Variants in LYZL1 observed in about 807,000 individuals in gnomAD.
The protein encoded by LYZL1 is lysozyme-like protein 1.
A neutral mutation model predicts 17.9 loss-of-function variants in LYZL1; 16 were observed. That is an observed-to-expected ratio of 0.90 (90% CI 0.61 to 1.36). LYZL1 has a LOEUF of 1.36. Among genes scored for constraint, LYZL1 ranks in the 40% most tolerant of loss-of-function variants. The pLI, the probability that LYZL1 is intolerant of heterozygous loss-of-function variation, is 0.00. For missense variants in LYZL1, 149 were observed against 188.4 expected (o/e 0.79, Z 1.22); for synonymous variants, 58 against 71.8 (o/e 0.81, Z 0.97).
intron 3 of LYZL1, among the ~76,000 whole-genome samples, chr10:29,297,084 G>GAAA (rs35535332): frequency 4.1e-5 from 5 of 123,082 alleles, no homozygotes; most frequent in South Asian, 5.1e-4. Flanking sequence ...TGCTTTTTTT[G>GAAA]AAAAAAAAAA....
intron 3 of LYZL1, among the ~76,000 whole-genome samples, chr10:29,301,014 G>T (rs1393340337): frequency 6.6e-6 from 1 of 151,956 alleles, no homozygotes; most frequent in Non-Finnish European, 1.5e-5. Flanking sequence ...TTGTAGGGAT[G>T]GGTGATATGG....
At chr10:29,307,572 C>T (rs1329177635) in intron 3 of LYZL1, among the ~76,000 whole-genome samples, 1 of 152,082 alleles carries the variant, frequency 6.6e-6, no homozygotes, top group African/African-American at 2.4e-5. Context: ...TGGCATTAGC[C>T]AATACAGCTC....
rs573894243 is a variant in LYZL1 at position 29,298,730 on chromosome 10, G to A, written c.298+6053G>A. On this transcript the variant is annotated intron_variant, in intron 3 of 4. Transcript: ENST00000649382. ...ATTGTGAAGGATGATCCCAGGATGA[G>A]CTTTTATTATAGATTTCTAGTTACA... Among the ~76,000 whole-genome samples, 3 of 152,274 alleles carry A rather than the reference G, an allele frequency of 2.0e-5. No homozygotes were observed. In the South Asian group the frequency reaches 6.2e-4, roughly 32 times the overall value.
intron 3 of LYZL1, among the ~76,000 whole-genome samples, chr10:29,297,084 GA>G (rs35535332): frequency 0.35 from 42,900 of 122,934 alleles, 7,213 homozygotes; most frequent in East Asian, 0.55. Flanking sequence ...TGCTTTTTTT[GA>G]AAAAAAAAAA....
chr10:29,296,458 A>G (rs1835447598), intron 3 of LYZL1, among the ~76,000 whole-genome samples: 1 of 152,198 alleles, frequency 6.6e-6, no homozygotes, highest in Non-Finnish European at 1.5e-5. Context: ...TCACTTAAGG[A>G]GTAGTTAGAA....
rs1835668000 is a variant in LYZL1 at position 29,311,228 on chromosome 10, C to A, written c.*169C>A. 1 of 1,510,738 alleles carries A rather than the reference C, an allele frequency of 6.6e-7. No individual in the cohort carries two copies. Among genetic ancestry groups the A allele is most frequent in the African/African-American group, 1.4e-5 (1 of 71,084 alleles). 93.6% of individuals were successfully genotyped at this position (1,510,738 alleles called of 1,614,324 possible). A position where few individuals can be genotyped will look rare whatever the true frequency, so the allele number is the denominator to read the frequency against. Reference sequence around the variant, plus strand: ...ATAAATATTTCCATTTAAATGTCTTCACCCCGTCTCAGTTCCAATGATGTC... The same window carrying A: ...ATAAATATTTCCATTTAAATGTCTTAACCCCGTCTCAGTTCCAATGATGTC... On this transcript the variant is annotated 3_prime_UTR_variant, in exon 5 of 5. Coordinates refer to ENST00000649382, the MANE Select transcript of LYZL1 (RefSeq NM_032517.6).
intron 3 of LYZL1, among the ~76,000 whole-genome samples, chr10:29,309,365 A>C (rs1313653673): frequency 6.6e-6 from 1 of 152,092 alleles, no homozygotes; most frequent in Non-Finnish European, 1.5e-5. Context: ...AAAACAAAAC[A>C]AAACCCTGGA....
downstream of LYZL1, among the ~76,000 whole-genome samples, chr10:29,311,954 G>T (rs376567753): frequency 4.0e-5 from 6 of 151,354 alleles, no homozygotes; most frequent in Admixed American, 3.9e-4. Context: ...GCAAGACTCT[G>T]TCAAGAAAGG....
At chr10:29,299,545 T>C (rs1835489627) in intron 3 of LYZL1, among the ~76,000 whole-genome samples, 1 of 152,220 alleles carries the variant, frequency 6.6e-6, no homozygotes, top group Non-Finnish European at 1.5e-5. Context: ...AATTTGCAAC[T>C]ATCATTTTAG....
intron 3 of LYZL1, among the ~76,000 whole-genome samples, chr10:29,316,453 C>T (rs789911): frequency 0.99 from 151,028 of 152,326 alleles, 74,882 homozygotes; most frequent in Middle Eastern, 1. Context: ...TCTTTCTTTA[C>T]ACCAGGCTGC....
At position 29,294,594 on chromosome 10, in the gene LYZL1, G is replaced by A. The variant is rs185450595; in HGVS notation, c.298+1917G>A. ...ATCCTCAATGTCTAGAATGGTGCCT[G>A]GCCATTGCAGGAGCTCAATAAATGT... On this transcript the variant is annotated intron_variant, in intron 3 of 4. Coordinates refer to ENST00000649382, the MANE Select transcript of LYZL1 (RefSeq NM_032517.6). Among the ~76,000 whole-genome samples the A allele has an allele frequency of 1.7e-4, 26 of 152,324 alleles. No individual in the cohort carries two copies. The East Asian group carries it at 4.8e-3, about 28-fold the overall frequency.
rs751555810 is a variant in LYZL1, at chr10:29,292,507, T to TC, written c.140-6dup. On this transcript the variant is annotated splice_polypyrimidine_tract_variant and intron_variant, in intron 2 of 4. Coordinates refer to ENST00000649382, the MANE Select transcript of LYZL1 (RefSeq NM_032517.6). ...CTTCCTTTGCTGGCGTTTCTGGCTT[T>TC]CCCCCCTCCAGGGATCTGCATGGCA... 1.2e-6 allele frequency: 2 copies of TC among 1,610,980 alleles called. No individual in the cohort carries two copies. Among genetic ancestry groups the TC allele is most frequent in the Non-Finnish European group, 1.7e-6 (2 of 1,178,802 alleles).
chr10:29,303,422 C>A (rs567065360), intron 3 of LYZL1, among the ~76,000 whole-genome samples: 5 of 152,144 alleles, frequency 3.3e-5, no homozygotes, highest in Admixed American at 6.5e-5. Context: ...TATCCGAAAA[C>A]AATTTTTCAT....
At chr10:29,305,133 A>G (rs2132830370) in intron 3 of LYZL1, among the ~76,000 whole-genome samples, 1 of 152,094 alleles carries the variant, frequency 6.6e-6, no homozygotes, top group East Asian at 1.9e-4. Context: ...ACCGCCCCAA[A>G]CCCACATCTC....
intron 3 of LYZL1, among the ~76,000 whole-genome samples, chr10:29,294,207 A>T (rs1254951841): frequency 1.3e-5 from 2 of 152,072 alleles, no homozygotes; most frequent in Non-Finnish European, 2.9e-5. Context: ...ATCCCAGGGA[A>T]GGCAGGTGGA....
downstream of LYZL1, among the ~76,000 whole-genome samples, chr10:29,313,871 A>G (rs138156202): frequency 6.6e-5 from 10 of 152,294 alleles, no homozygotes; most frequent in East Asian, 1.9e-3. Flanking sequence ...CACTGAGCAG[A>G]CCATTGGGTA....
downstream of LYZL1, among the ~76,000 whole-genome samples, chr10:29,314,899 T>G (rs1048554941): frequency 6.6e-6 from 1 of 152,166 alleles, no homozygotes; most frequent in Admixed American, 6.5e-5. Context: ...GCGGGGATCT[T>G]CAGAACTCAG....
Position 29,289,173 on chromosome 10 carries a change from C to G in LYZL1, c.-83C>G, listed in dbSNP as rs750632053. 1 of 1,605,508 alleles carries G rather than the reference C, an allele frequency of 6.2e-7. No individual in the cohort carries two copies. The highest frequency in any genetic ancestry group is 2.2e-5 in the East Asian group (1 of 44,606). On this transcript the variant is annotated 5_prime_UTR_variant, in exon 1 of 5. Transcript: ENST00000649382. The stretch of plus-strand genomic sequence containing the variant: ...CCGACTAAGTGGAGCAGTGTTTCTT[C>G]CGCAGACTCAACTGAGAAGTCAGCC...
In LYZL1 at chr10:29,293,773, G is replaced by C. The variant is rs11007516; in HGVS notation, c.298+1096G>C. On this transcript the variant is annotated intron_variant, in intron 3 of 4. Transcript: ENST00000649382. ...AGATAACCTGAGGTCAGGAGTTCAA[G>C]ACCAGCCTGACCAACACGGTGAAAC... Among the ~76,000 whole-genome samples the C allele has an allele frequency of 2.9e-3, 441 of 152,056 alleles. 1 individual carries two copies. Among genetic ancestry groups the C allele is most frequent in the African/African-American group, 9.9e-3 (412 of 41,480 alleles).
Sources: gnomAD v4.1 joint callset for allele counts (sites outside exome capture counted in the v4.1 genomes callset) on GRCh38, gnomAD v4.1.1 for gene constraint, MANE v1.5 for transcripts, NCBI Gene and HGNC (gene_info 2026-07-23, HGNC 2026-07-21) for gene names.